Variants in ZDHHC7 observed in about 807,000 individuals in gnomAD.
ZDHHC7 encodes palmitoyltransferase ZDHHC7.
ZDHHC7 carries 12 observed loss-of-function variants against 34.1 expected under a neutral mutation model. The ratio of observed to expected loss-of-function variants is 0.35; its 90% CI spans 0.23 to 0.57. ZDHHC7 has a LOEUF of 0.57. Among genes scored for constraint, ZDHHC7 ranks in the 20% least tolerant of loss-of-function variants. The pLI, the probability that ZDHHC7 is intolerant of heterozygous loss-of-function variation, is 0.84. For missense variants in ZDHHC7, 388 were observed against 402.7 expected, an observed-to-expected ratio of 0.96 and a Z score of 0.31; for synonymous variants, 185 against 155.4, an observed-to-expected ratio of 1.19 and a Z score of -1.42.
chr16:84,981,116 C>T (rs1173180891), intron 4 of ZDHHC7, among the ~76,000 whole-genome samples: 3 of 152,148 alleles, frequency 2.0e-5, no homozygotes, highest in Non-Finnish European at 4.4e-5. Context: ...GAGAAATACA[C>T]CCAGACATTC....
chr16:84,999,035 G>A (rs962137133), intron 1 of ZDHHC7, among the ~76,000 whole-genome samples: 7 of 152,144 alleles, frequency 4.6e-5, no homozygotes, highest in Admixed American at 6.6e-5. Context: ...GATTAGAGGC[G>A]TGAGCCACCG....
chr16:84,999,361 C>G (rs989375049), intron 1 of ZDHHC7, among the ~76,000 whole-genome samples: 2 of 152,146 alleles, frequency 1.3e-5, no homozygotes, highest in African/African-American at 4.8e-5. Context: ...GATTCCACTT[C>G]CAGGTATTTA....
At chr16:84,989,011 A>G in intron 3 of ZDHHC7, 1 of 834,712 alleles carries the variant, frequency 1.2e-6, no homozygotes, top group Non-Finnish European at 1.9e-6. Context: ...GAGGGCGGAG[A>G]CACACAGGGA....
rs139426376 is a variant in ZDHHC7, at chr16:84,990,538, C to A, written c.81G>T (p.Ser27=). Residue 27 remains serine (S), a synonymous_variant, in exon 3 of 8, where the codon TCG becomes TCT. Coordinates refer to ENST00000313732, the MANE Select transcript of ZDHHC7 (RefSeq NM_017740.3). ...CCACGTCAGCCTCGGAGGAGGAGGA[C>A]GATGAAGAGTCATAGTTGTCATTTT... ...LAENDNYDSS[S]SSSSEADVAD... 1.9e-6 allele frequency: 3 copies of A among 1,614,096 alleles called. No homozygotes were observed. The highest frequency in any genetic ancestry group is 1.3e-5 in the African/African-American group (1 of 75,006).
the ZDHHC7 span, among the ~76,000 whole-genome samples, chr16:85,021,214 C>T: frequency 6.6e-6 from 1 of 151,774 alleles, no homozygotes; most frequent in Non-Finnish European, 1.5e-5. Context: ...GAGATGGAGA[C>T]CATCCTGGCC....
chr16:84,977,384 G>T, intron 6 of ZDHHC7, 159 bp from the exon 7 acceptor site: 1 of 901,312 alleles, frequency 1.1e-6, no homozygotes, highest in South Asian at 1.9e-5. Flanking sequence ...CCAAGGAGCA[G>T]AGGAGGGCCA....
the ZDHHC7 span, among the ~76,000 whole-genome samples, chr16:85,022,011 T>C: frequency 1.4e-5 from 2 of 146,898 alleles, no homozygotes; most frequent in Admixed American, 1.4e-4. Flanking sequence ...AAAAAAAAAA[T>C]TAGCCAGGCG....
intron 7 of ZDHHC7, 36 bp downstream of exon 7, chr16:84,977,059 A>G (rs1348863522): frequency 6.2e-7 from 1 of 1,612,082 alleles, no homozygotes; most frequent in African/African-American, 1.3e-5. Context: ...AGCTTGGACC[A>G]CATATGAAGT....
chr16:85,007,385 C>CTGG (rs1567507784), intron 1 of ZDHHC7, among the ~76,000 whole-genome samples: 1 of 146,238 alleles, frequency 6.8e-6, no homozygotes, highest in African/African-American at 2.6e-5. Flanking sequence ...ACCACGCCAC[C>CTGG]GCACTCCAGC....
intron 3 of ZDHHC7, among the ~76,000 whole-genome samples, chr16:84,985,222 T>A (rs138834260): frequency 1.1e-4 from 16 of 152,254 alleles, no homozygotes; most frequent in African/African-American, 3.9e-4. Flanking sequence ...CCTGCCCACA[T>A]CCCACTTCCA....
chr16:85,000,106 C>T (rs939132021), intron 1 of ZDHHC7, among the ~76,000 whole-genome samples: 1 of 151,562 alleles, frequency 6.6e-6, no homozygotes, highest in Non-Finnish European at 1.5e-5. Flanking sequence ...TGCCACTGCA[C>T]TCCAGCCTGG....
Position 84,976,341 on chromosome 16 carries a change from C to G in ZDHHC7, c.*2G>C, listed in dbSNP as rs937693586. 11 of 1,613,828 alleles carry G rather than the reference C, an allele frequency of 6.8e-6. No individual in the cohort carries two copies. The highest frequency in any genetic ancestry group is 8.5e-6 in the Non-Finnish European group (10 of 1,179,990). On this transcript the variant is annotated 3_prime_UTR_variant, in exon 8 of 8. Transcript: ENST00000313732. ...GCAAGTTTCAGTCTGATGAGCCACG[C>G]CTCACACTGAGAACTCCGGGCCACC...
At chr16:84,976,583 T>C in intron 7 of ZDHHC7, 64 bp from the exon 8 acceptor site, 1 of 1,574,722 alleles carries the variant, frequency 6.4e-7, no homozygotes, top group Non-Finnish European at 8.6e-7. Context: ...CCACCAAGCC[T>C]CAGAATCACA....
intron 2 of ZDHHC7, among the ~76,000 whole-genome samples, chr16:84,991,053 G>A (rs987363763): frequency 1.3e-5 from 2 of 152,148 alleles, no homozygotes; most frequent in African/African-American, 4.8e-5. Context: ...TCCCAAGCAG[G>A]TGCTCGGCAC....
chr16:84,990,442 G>C lies in ZDHHC7; in HGVS notation c.177C>G (p.Ala59=). The C allele has an allele frequency of 1.9e-6, 3 of 1,614,130 alleles. No individual in the cohort carries two copies. Among genetic ancestry groups the C allele is most frequent in the East Asian group, 2.2e-5 (1 of 44,882 alleles). ...ICAVMTWLLV[A]YADFVVTFVM... The stretch of plus-strand genomic sequence containing the variant: ...CGAAAGTCACCACGAAGTCTGCATA[G>C]GCGACCAGAAGCCACGTCATGACAG... The change falls in exon 3 of 8, where the codon GCC becomes GCG. Residue 59 remains alanine (A), a synonymous_variant. Coordinates refer to ENST00000313732, the MANE Select transcript of ZDHHC7 (RefSeq NM_017740.3).
chr16:85,025,306 C>G, the ZDHHC7 span, among the ~76,000 whole-genome samples: 3 of 151,820 alleles, frequency 2.0e-5, no homozygotes, highest in South Asian at 6.2e-4. Context: ...CTGAAGCCAA[C>G]TCAAAGGAGC....
Position 84,979,276 on chromosome 16 carries a change from T to C in ZDHHC7, c.450A>G (p.Lys150=). Residue 150 remains lysine (K), a synonymous_variant, in exon 5 of 8, where the codon AAA becomes AAG. Transcript: ENST00000313732. ...PERAHHCSIC[K]RCIRKMDHHC... is the part of the protein sequence containing the mutation. Reference sequence around the variant, plus strand: ...GATGATCCATTTTCCGAATACATCTTTTGCAAATACTGAAAAGGAGAGTTT... The same window carrying C: ...GATGATCCATTTTCCGAATACATCTCTTGCAAATACTGAAAAGGAGAGTTT... 6.2e-7 allele frequency: 1 copy of C among 1,609,544 alleles called. No individual in the cohort carries two copies. The highest frequency in any genetic ancestry group is 1.1e-5 in the South Asian group (1 of 89,440).
chr16:85,006,932 T>C (rs2072724688), intron 1 of ZDHHC7, among the ~76,000 whole-genome samples: 1 of 152,074 alleles, frequency 6.6e-6, no homozygotes, highest in Non-Finnish European at 1.5e-5. Context: ...TTCCTCCAAT[T>C]AGAATTCTTT....
the ZDHHC7 span, among the ~76,000 whole-genome samples, chr16:85,020,450 T>C: frequency 6.6e-6 from 1 of 152,140 alleles, no homozygotes; most frequent in Non-Finnish European, 1.5e-5. Context: ...AGGAAGATGA[T>C]ATTATTTGCT....
Sources: gnomAD v4.1 joint callset for allele counts (sites outside exome capture counted in the v4.1 genomes callset) on GRCh38, gnomAD v4.1.1 for gene constraint, MANE v1.5 for transcripts, NCBI Gene and HGNC (gene_info 2026-07-23, HGNC 2026-07-21) for gene names.